SCRT1: variants seen among roughly 807,000 people sequenced by gnomAD.
SCRT1 encodes transcriptional repressor scratch 1.
SCRT1 carries 1 observed loss-of-function variant against 3.4 expected under a neutral mutation model. That is an observed-to-expected ratio of 0.29 (90% CI 0.10 to 1.39). The LOEUF is 1.39. Ranked by LOEUF, SCRT1 falls within the 40% of genes most tolerant of loss-of-function variation. SCRT1 has a pLI of 0.42. For missense variants in SCRT1, 380 were observed against 526.3 expected (o/e 0.72, Z 2.72); for synonymous variants, 238 against 247.0 (o/e 0.96, Z 0.34).
Position 144,333,688 on chromosome 8 carries a change from G to A in SCRT1, c.544C>T (p.Pro182Ser), listed in dbSNP as rs781946982. 1 of 1,425,728 alleles carries A rather than the reference G, an allele frequency of 7.0e-7. No individual in the cohort carries two copies. The highest frequency in any genetic ancestry group is 1.5e-5 in the South Asian group (1 of 67,042). The allele number at this position is 1,425,728 out of a possible 1,614,324, so 88.3% of individuals were successfully genotyped here. ...CGGCCGCCAGCACCTGCGGCCCCTG[G>A]CCCCGCGCGCGCCTCGGTGCCTGCC... ...AGAGTEARAG[P>S]GAAGAGGRHA... Residue 182 changes from proline (P) to serine (S), a missense_variant, in exon 2 of 2, where the codon CCA becomes TCA. Pro to Ser is a moderately conservative substitution (Grantham distance 74, BLOSUM62 -1). Coordinates refer to ENST00000569446, the MANE Select transcript of SCRT1 (RefSeq NM_031309.6).
In SCRT1 at chr8:144,333,425, C is replaced by A; in HGVS notation, c.807G>T (p.Ser269=). 3 of 1,602,380 alleles carry A rather than the reference C, an allele frequency of 1.9e-6. No individual in the cohort carries two copies. Among genetic ancestry groups the A allele is most frequent in the Non-Finnish European group, 2.6e-6 (3 of 1,176,472 alleles). The change falls in exon 2 of 2, where the codon TCG becomes TCT. Residue 269 remains serine (S), a synonymous_variant. Coordinates refer to ENST00000569446, the MANE Select transcript of SCRT1 (RefSeq NM_031309.6). ...AGCCGAAGGGTTTCTCGCCGGTGTG[C>A]GAGCGCATGTGGCCCTGCAGCAGCC... ...RPWLLQGHMR[S]HTGEKPFGCA...
rs1817806626 is a variant in SCRT1, at chr8:144,332,913, T to G, written c.*272A>C. ...ACCCAACTCGGAGATGAGGTTCGGT[T>G]CTAGGTCTCGTCGACCCTATTGCTG... On this transcript the variant is annotated 3_prime_UTR_variant, in exon 2 of 2. Coordinates refer to ENST00000569446, the MANE Select transcript of SCRT1 (RefSeq NM_031309.6). 2.3e-6 allele frequency: 1 copy of G among 440,176 alleles called. No homozygotes were observed. 27.3% of individuals were successfully genotyped at this position (440,176 alleles called of 1,614,324 possible).
In SCRT1 at chr8:144,330,597, G is replaced by A. The variant is rs1817714099; in HGVS notation, c.*2588C>T. On this transcript the variant is annotated 3_prime_UTR_variant, in exon 2 of 2. Transcript: ENST00000569446. ...AAGAGTGGCATTTATTCTCCTTGTG[G>A]AGGTGCGGTGCTCCGGGGAGCTGGT... 6.6e-6 allele frequency: 1 copy of A among 152,274 alleles called. No homozygotes were observed. Among genetic ancestry groups the A allele is most frequent in the Non-Finnish European group, 1.5e-5 (1 of 68,088 alleles). 9.4% of individuals were successfully genotyped at this position (152,274 alleles called of 1,614,324 possible).
In SCRT1 at chr8:144,332,904, A is replaced by C; in HGVS notation, c.*281T>G. ...TCTTCAGAGACCCAACTCGGAGATG[A>C]GGTTCGGTTCTAGGTCTCGTCGACC... On this transcript the variant is annotated 3_prime_UTR_variant, in exon 2 of 2. Transcript: ENST00000569446. 2 of 370,058 alleles carry C rather than the reference A, an allele frequency of 5.4e-6. 1 individual carries two copies. Among genetic ancestry groups the C allele is most frequent in the Non-Finnish European group, 9.5e-6 (2 of 209,692 alleles). The allele number at this position is 370,058 out of a possible 1,614,324, so 22.9% of individuals were successfully genotyped here.
At position 144,333,549 on chromosome 8, in the gene SCRT1, C is replaced by T. The variant is rs1446586305; in HGVS notation, c.683G>A (p.Gly228Asp). Reference sequence around the variant, plus strand: ...GGCCGGCATGGACACGTACACCTTGCCGCACGTCGGGCAGCGCCGCGCCAG... The same window carrying T: ...GGCCGGCATGGACACGTACACCTTGTCGCACGTCGGGCAGCGCCGCGCCAG... The part of the protein sequence containing the change: ...SQLARRCPTC[G>D]KVYVSMPAMA... The change falls in exon 2 of 2, where the codon GGC becomes GAC. Residue 228 changes from glycine to aspartate, a missense_variant. Physicochemically the swap from Gly to Asp is moderately conservative, Grantham distance 94 (BLOSUM62 -1). Coordinates refer to ENST00000569446, the MANE Select transcript of SCRT1 (RefSeq NM_031309.6). 2 of 1,608,002 alleles carry T rather than the reference C, an allele frequency of 1.2e-6. No individual in the cohort carries two copies. The highest frequency in any genetic ancestry group is 8.5e-7 in the Non-Finnish European group (1 of 1,178,424).
chr8:144,335,918 C>T lies in SCRT1; in HGVS notation c.115+137G>A. 1.6e-6 allele frequency: 1 copy of T among 614,058 alleles called. No homozygotes were observed. Among genetic ancestry groups the T allele is most frequent in the South Asian group, 2.1e-5 (1 of 46,946 alleles). The allele number at this position is 614,058 out of a possible 1,614,324, so 38.0% of individuals were successfully genotyped here. A position where few individuals can be genotyped will look rare whatever the true frequency, so the allele number is the denominator to read the frequency against. On this transcript the variant is annotated intron_variant, in intron 1 of 1. Coordinates refer to ENST00000569446, the MANE Select transcript of SCRT1 (RefSeq NM_031309.6). This position sits in a 1 kb window ranked among gnomAD's most constrained non-coding sequence, Gnocchi z 7.7. ...CTTCCTCCCCTCTACCGTCCAGGCT[C>T]CAGCCACAGACTCTTGCCGTTTCTG...
chr8:144,333,118 C>T lies in SCRT1; in HGVS notation c.*67G>A. On this transcript the variant is annotated 3_prime_UTR_variant, in exon 2 of 2. Coordinates refer to ENST00000569446, the MANE Select transcript of SCRT1 (RefSeq NM_031309.6). ...GCCCTCCGGCCCCTCCACCCGGACG[C>T]CAGCGAAGACTTCCCTGGGGGGCCG... 8 of 1,341,106 alleles carry T rather than the reference C, an allele frequency of 6.0e-6. No individual in the cohort carries two copies. Among genetic ancestry groups the T allele is most frequent in the Non-Finnish European group, 7.9e-6 (8 of 1,016,514 alleles). The allele number at this position is 1,341,106 out of a possible 1,614,324, so 83.1% of individuals were successfully genotyped here.
rs1554849589 is a variant in SCRT1 at position 144,332,047 on chromosome 8, T to C, written c.*1138A>G. On this transcript the variant is annotated 3_prime_UTR_variant, in exon 2 of 2. Coordinates refer to ENST00000569446, the MANE Select transcript of SCRT1 (RefSeq NM_031309.6). ...ACCGAGTGGGGGCGGGGCCTGGGTC[T>C]CAGGGGCGGGGCCTGGGTCTCAGGG... 7.0e-6 allele frequency: 1 copy of C among 142,720 alleles called. No individual in the cohort carries two copies. The highest frequency in any genetic ancestry group is 6.9e-5 in the Admixed American group (1 of 14,466). 8.8% of individuals were successfully genotyped at this position (142,720 alleles called of 1,614,324 possible). A position where few individuals can be genotyped will look rare whatever the true frequency, so the allele number is the denominator to read the frequency against.
rs1476681169 is a variant in SCRT1, at chr8:144,332,063, G to A, written c.*1122C>T. The A allele has an allele frequency of 6.6e-6, 1 of 151,442 alleles. No homozygotes were observed. The highest frequency in any genetic ancestry group is 1.5e-5 in the Non-Finnish European group (1 of 67,792). The allele number at this position is 151,442 out of a possible 1,614,324, so 9.4% of individuals were successfully genotyped here. ...GCCTGGGTCTCAGGGGCGGGGCCTG[G>A]GTCTCAGGGGAGGGGCCTGCCTCGG... On this transcript the variant is annotated 3_prime_UTR_variant, in exon 2 of 2. Transcript: ENST00000569446.
chr8:144,333,162 T>C lies in SCRT1; in HGVS notation c.*23A>G. 1 of 1,479,112 alleles carries C rather than the reference T, an allele frequency of 6.8e-7. No homozygotes were observed. Among genetic ancestry groups the C allele is most frequent in the African/African-American group, 1.4e-5 (1 of 70,402 alleles). 91.6% of individuals were successfully genotyped at this position (1,479,112 alleles called of 1,614,324 possible). On this transcript the variant is annotated 3_prime_UTR_variant, in exon 2 of 2. Coordinates refer to ENST00000569446, the MANE Select transcript of SCRT1 (RefSeq NM_031309.6). The stretch of plus-strand genomic sequence containing the variant: ...GGGGCCGTATTGCTGAGAGCCGACC[T>C]GGCTGGGGGAGGCCCCGCCGCCCTA...
rs1248880740 is a variant in SCRT1, at chr8:144,332,956, C to T, written c.*229G>A. The T allele has an allele frequency of 2.0e-6, 1 of 495,592 alleles. No individual in the cohort carries two copies. The allele number at this position is 495,592 out of a possible 1,614,324, so 30.7% of individuals were successfully genotyped here. On this transcript the variant is annotated 3_prime_UTR_variant, in exon 2 of 2. Coordinates refer to ENST00000569446, the MANE Select transcript of SCRT1 (RefSeq NM_031309.6). ...TATTGCTGGGAGAAAGCCGGGGGCA[C>T]CCTGGAGGGGAGGGGAGGGGGCTCG...
At position 144,335,958 on chromosome 8, in the gene SCRT1, G is replaced by T; in HGVS notation, c.115+97C>A. ...TGCCGTTTCTGGTTCCCTTCAGTCT[G>T]TTTCCCCGGGCCCTGCCCTCCGCCC... On this transcript the variant is annotated intron_variant, in intron 1 of 1. Coordinates refer to ENST00000569446, the MANE Select transcript of SCRT1 (RefSeq NM_031309.6). The surrounding 1 kb of genome is among the most constrained non-coding windows in gnomAD (Gnocchi z 7.7). 1 of 825,060 alleles carries T rather than the reference G, an allele frequency of 1.2e-6. No individual in the cohort carries two copies. The highest frequency in any genetic ancestry group is 1.8e-6 in the Non-Finnish European group (1 of 546,258). The allele number at this position is 825,060 out of a possible 1,614,324, so 51.1% of individuals were successfully genotyped here.
At position 144,336,404 on chromosome 8, in the gene SCRT1, T is replaced by G. The variant is rs1817890462; in HGVS notation, c.-235A>C. On this transcript the variant is annotated 5_prime_UTR_variant, in exon 1 of 2. Coordinates refer to ENST00000569446, the MANE Select transcript of SCRT1 (RefSeq NM_031309.6). The surrounding 1 kb of genome is among the most constrained non-coding windows in gnomAD (Gnocchi z 6.8). ...TTCAATCCTTCCTTCCTTCCTTCAATCCTTCCTTCCTTCTCTCCTCTTCTC... is the reference window on the plus strand; with the variant it reads ...TTCAATCCTTCCTTCCTTCCTTCAAGCCTTCCTTCCTTCTCTCCTCTTCTC... The G allele has an allele frequency of 2.3e-6, 1 of 436,000 alleles. No homozygotes were observed. The highest frequency in any genetic ancestry group is 4.1e-6 in the Non-Finnish European group (1 of 241,368). 27.0% of individuals were successfully genotyped at this position (436,000 alleles called of 1,614,324 possible).
chr8:144,332,759 G>A lies in SCRT1; in HGVS notation c.*426C>T, dbSNP rs953497855. On this transcript the variant is annotated 3_prime_UTR_variant, in exon 2 of 2. Transcript: ENST00000569446. ...GAGGGGCCGGCTCCCTGGACGTCTG[G>A]GCCGCAGGCCCTGCGCTAGAAGGCT... 1 of 158,464 alleles carries A rather than the reference G, an allele frequency of 6.3e-6. No homozygotes were observed. The highest frequency in any genetic ancestry group is 1.4e-5 in the Non-Finnish European group (1 of 72,342). The allele number at this position is 158,464 out of a possible 1,614,324, so 9.8% of individuals were successfully genotyped here. A position where few individuals can be genotyped will look rare whatever the true frequency, so the allele number is the denominator to read the frequency against.
Position 144,333,240 on chromosome 8 carries a change from C to T in SCRT1, c.992G>A (p.Gly331Asp). 3 of 1,603,318 alleles carry T rather than the reference C, an allele frequency of 1.9e-6. No homozygotes were observed. The highest frequency in any genetic ancestry group is 2.5e-6 in the Non-Finnish European group (3 of 1,176,474). ...CGCAGGAGCCGCGGGGCCTCCGGCG[C>T]CGCCCTTGAAGCAGGCCGACTCGTA... ...KHYESACFKG[G>D]AGGPAAPAPP... Residue 331 changes from glycine (G) to aspartate (D), a missense_variant, in exon 2 of 2, where the codon GGC becomes GAC. Coordinates refer to ENST00000569446, the MANE Select transcript of SCRT1 (RefSeq NM_031309.6).
intron 1 of SCRT1, 25 bp from the exon 2 acceptor site, chr8:144,334,141 C>A: frequency 2.9e-6 from 3 of 1,017,114 alleles, no homozygotes; most frequent in Non-Finnish European, 1.3e-6. Context: ...GGACGGACAG[C>A]GGGAAGGGAA....
At position 144,333,018 on chromosome 8, in the gene SCRT1, G is replaced by T; in HGVS notation, c.*167C>A. On this transcript the variant is annotated 3_prime_UTR_variant, in exon 2 of 2. Coordinates refer to ENST00000569446, the MANE Select transcript of SCRT1 (RefSeq NM_031309.6). ...CCCTCGGGACCCTATTGCTTGAAGG[G>T]GCCGGCAAGGCCCCTGGCGGGCGGG... The T allele has an allele frequency of 1.6e-6, 1 of 606,180 alleles. No homozygotes were observed. 37.6% of individuals were successfully genotyped at this position (606,180 alleles called of 1,614,324 possible). A position where few individuals can be genotyped will look rare whatever the true frequency, so the allele number is the denominator to read the frequency against.
In SCRT1 at chr8:144,335,390, G is replaced by C. The variant is rs537815530; in HGVS notation, c.115+665C>G. 1.5e-3 allele frequency among the ~76,000 whole-genome samples: 229 copies of C among 152,208 alleles called. No homozygotes were observed. Among genetic ancestry groups the C allele is most frequent in the African/African-American group, 5.2e-3 (218 of 41,526 alleles). On this transcript the variant is annotated intron_variant, in intron 1 of 1. Transcript: ENST00000569446. The surrounding 1 kb of genome is among the most constrained non-coding windows in gnomAD (Gnocchi z 7.7). The stretch of plus-strand genomic sequence containing the variant: ...ACTTGCTCTGCCACCCCATGCTGCT[G>C]GCACTCCTGTCCCCCTCTCCTGCAT...
At position 144,335,380 on chromosome 8, in the gene SCRT1, C is replaced by T. The variant is rs1554850197; in HGVS notation, c.115+675G>A. ...TGCAGGTCACACTTGCTCTGCCACC[C>T]CATGCTGCTGGCACTCCTGTCCCCC... On this transcript the variant is annotated intron_variant, in intron 1 of 1. Transcript: ENST00000569446. The surrounding 1 kb of genome is among the most constrained non-coding windows in gnomAD (Gnocchi z 7.7). 6.6e-6 allele frequency among the ~76,000 whole-genome samples: 1 copy of T among 152,182 alleles called. No homozygotes were observed. Among genetic ancestry groups the T allele is most frequent in the Non-Finnish European group, 1.5e-5 (1 of 68,030 alleles).
Sources: allele counts gnomAD v4.1 joint callset (sites outside exome capture counted in the v4.1 genomes callset), GRCh38; gene constraint gnomAD v4.1.1; non-coding constraint Gnocchi (gnomAD v3.1); transcripts MANE v1.5; gene names NCBI Gene and HGNC (gene_info 2026-07-23, HGNC 2026-07-21).